GRK7: variants seen among roughly 807,000 people sequenced by gnomAD.
The protein encoded by GRK7 is rhodopsin kinase GRK7.
In GRK7, 24 loss-of-function variants were observed where a neutral mutation model predicts 34.1. The ratio of observed to expected loss-of-function variants is 0.70; its 90% confidence interval spans 0.51 to 0.99. The LOEUF is 0.99. GRK7 is among the 50% of genes least tolerant of loss of function. GRK7 has a pLI of 0.00. For synonymous variants in GRK7, 256 were observed against 279.4 expected (o/e 0.92, Z 0.84); for missense variants, 644 against 707.3 (o/e 0.91, Z 1.02).
chr3:141,808,036 T>C, intron 5 of GRK7, 117 bp downstream of exon 5: 2 of 883,892 alleles, frequency 2.3e-6, no homozygotes, highest in Non-Finnish European at 3.3e-6. Context: ...TTCTTATTTT[T>C]ATTTGCATAT....
At chr3:141,766,013 A>G (rs962011212) in intron 1 of GRK7, among the ~76,000 whole-genome samples, 3 of 152,196 alleles carry the variant, frequency 2.0e-5, no homozygotes, top group Non-Finnish European at 2.9e-5. Flanking sequence ...CCCACACTGT[A>G]TATGGAAATA....
At chr3:141,797,958 G>A (rs1005651358) in intron 4 of GRK7, among the ~76,000 whole-genome samples, 2 of 152,198 alleles carry the variant, frequency 1.3e-5, no homozygotes, top group Non-Finnish European at 2.9e-5. Flanking sequence ...AGCTCCACCA[G>A]AAGCCCCTCC....
intron 4 of GRK7, among the ~76,000 whole-genome samples, chr3:141,802,344 ACTCTCTTT>A (rs890975521): frequency 8.7e-5 from 11 of 126,434 alleles, no homozygotes; most frequent in South Asian, 5.0e-4. Context: ...ACAGACTGAA[ACTCTCTTT>A]CTCTCTTTCT....
In GRK7 at chr3:141,780,654, C is replaced by T; in HGVS notation, c.893C>T (p.Ala298Val). 1 of 1,614,212 alleles carries T rather than the reference C, an allele frequency of 6.2e-7. No individual in the cohort carries two copies. Among genetic ancestry groups the T allele is most frequent in the Non-Finnish European group, 8.5e-7 (1 of 1,180,044 alleles). The change falls in exon 4 of 6, where the codon GCC becomes GTC. Residue 298 changes from alanine (A) to valine (V), a missense_variant. By Grantham distance (64) the Ala-to-Val change is moderately conservative. Coordinates refer to ENST00000682958, the MANE Select transcript of GRK7 (RefSeq NM_139209.3). ...ATGAGCCGGGTGATCTTTTACTCGG[C>T]CCAGATAGCCTGTGGGATGCTGCAC... is the stretch of plus-strand genomic sequence containing the variant. ...LDMSRVIFYS[A>V]QIACGMLHLH...
chr3:141,779,841 T>C (rs1220840452), intron 3 of GRK7, among the ~76,000 whole-genome samples: 1 of 152,252 alleles, frequency 6.6e-6, no homozygotes, highest in Non-Finnish European at 1.5e-5. Flanking sequence ...GTAGCATGTG[T>C]CAATACTCCA....
chr3:141,791,658 G>T (rs1413960449), intron 4 of GRK7, among the ~76,000 whole-genome samples: 1 of 152,122 alleles, frequency 6.6e-6, no homozygotes, highest in Non-Finnish European at 1.5e-5. Flanking sequence ...TCACTCACTT[G>T]TTTATTCAAC....
intron 1 of GRK7, among the ~76,000 whole-genome samples, chr3:141,766,637 T>G (rs2681691): frequency 1.3e-5 from 2 of 152,104 alleles, no homozygotes; most frequent in South Asian, 2.1e-4. Context: ...ACTTTGACTT[T>G]TATGCCCTTG....
At chr3:141,788,110 T>C (rs2084705422) in intron 4 of GRK7, among the ~76,000 whole-genome samples, 1 of 152,246 alleles carries the variant, frequency 6.6e-6, no homozygotes, top group African/African-American at 2.4e-5. Flanking sequence ...ACTTTGGACA[T>C]GAGTCTTCCA....
intron 4 of GRK7, among the ~76,000 whole-genome samples, chr3:141,792,461 A>G (rs1274823823): frequency 6.6e-6 from 1 of 152,094 alleles, no homozygotes; most frequent in Non-Finnish European, 1.5e-5. Flanking sequence ...AATATCACTT[A>G]TGATAAATGC....
chr3:141,778,121 G>A lies in GRK7; in HGVS notation c.-113-51G>A. On this transcript the variant is annotated intron_variant, in intron 2 of 5. Coordinates refer to ENST00000682958, the MANE Select transcript of GRK7 (RefSeq NM_139209.3). This position sits in a 1 kb window ranked among gnomAD's most constrained non-coding sequence, Gnocchi z 4.1. ...GGCGGGCTATACATAGCCAGTCAAA[G>A]CTTCTTACAAGAGAAACCTCTTTCA... 1.2e-6 allele frequency: 1 copy of A among 825,212 alleles called. No homozygotes were observed. Among genetic ancestry groups the A allele is most frequent in the Non-Finnish European group, 1.9e-6 (1 of 540,192 alleles). 51.1% of individuals were successfully genotyped at this position (825,212 alleles called of 1,614,324 possible).
In GRK7 at chr3:141,778,216, G is replaced by A; in HGVS notation, c.-69G>A. 1.1e-5 allele frequency: 17 copies of A among 1,510,058 alleles called. No individual in the cohort carries two copies. In the South Asian group the frequency reaches 2.1e-4, roughly 19 times the overall value. The allele number at this position is 1,510,058 out of a possible 1,614,324, so 93.5% of individuals were successfully genotyped here. The stretch of plus-strand genomic sequence containing the variant: ...ATCCCTTGGACGTTGTCTCACCCGG[G>A]AAGGGAAAGCAGCCAGCAGCCCTCC... On this transcript the variant is annotated 5_prime_UTR_variant, in exon 3 of 6. Transcript: ENST00000682958. The surrounding 1 kb of genome is among the most constrained non-coding windows in gnomAD (Gnocchi z 4.1).
In GRK7 at chr3:141,764,215, T is replaced by C. The variant is rs2084569611; in HGVS notation, c.-1738T>C. 6.6e-6 allele frequency among the ~76,000 whole-genome samples: 1 copy of C among 152,124 alleles called. No individual in the cohort carries two copies. The highest frequency in any genetic ancestry group is 6.5e-5 in the Admixed American group (1 of 15,270). ...CTGGCCTCTCCATCCCCTGATCTCA[T>C]CTCTTCCAGTGATGTGCTCTCCACC... On this transcript the variant is annotated 5_prime_UTR_variant, in exon 1 of 6. Coordinates refer to ENST00000682958, the MANE Select transcript of GRK7 (RefSeq NM_139209.3).
At chr3:141,769,867 A>G (rs1038448597) in intron 1 of GRK7, among the ~76,000 whole-genome samples, 5 of 152,214 alleles carry the variant, frequency 3.3e-5, no homozygotes, top group African/African-American at 9.6e-5. Flanking sequence ...TGTGGCTGCC[A>G]TAATGAATTA....
intron 4 of GRK7, among the ~76,000 whole-genome samples, chr3:141,782,111 G>A (rs1415700055): frequency 6.6e-6 from 1 of 152,104 alleles, no homozygotes; most frequent in African/African-American, 2.4e-5. Flanking sequence ...GGGAAGAGGG[G>A]TTCTTGAAGG....
intron 2 of GRK7, among the ~76,000 whole-genome samples, chr3:141,774,895 C>T (rs1344406155): frequency 1.3e-5 from 2 of 151,898 alleles, no homozygotes; most frequent in South Asian, 2.1e-4. Flanking sequence ...TGGGTTCAGG[C>T]GATTCTCCTG....
rs1036536242 is a variant in GRK7 at position 141,764,982 on chromosome 3, C to T, written c.-971C>T. Among the ~76,000 whole-genome samples, 3 of 152,120 alleles carry T rather than the reference C, an allele frequency of 2.0e-5. No homozygotes were observed. The highest frequency in any genetic ancestry group is 2.9e-5 in the Non-Finnish European group (2 of 68,034). ...TTTCTCACCAGGGTTACTGCAGCAG[C>T]CTCCAGACTGGTTTTTCTGTTTTAA... On this transcript the variant is annotated 5_prime_UTR_variant, in exon 1 of 6. Transcript: ENST00000682958.
chr3:141,792,615 A>C (rs1251960939), intron 4 of GRK7, among the ~76,000 whole-genome samples: 4 of 152,162 alleles, frequency 2.6e-5, no homozygotes, highest in African/African-American at 9.7e-5. Flanking sequence ...GTGGTGTCTC[A>C]GATTGGGCTC....
chr3:141,772,200 T>C (rs969162964), intron 1 of GRK7, among the ~76,000 whole-genome samples: 1 of 152,050 alleles, frequency 6.6e-6, no homozygotes, highest in Non-Finnish European at 1.5e-5. Flanking sequence ...GTTCAAGCAA[T>C]TCTCCTGCCT....
chr3:141,765,219 G>A lies in GRK7; in HGVS notation c.-734G>A, dbSNP rs1222347901. 6.6e-6 allele frequency among the ~76,000 whole-genome samples: 1 copy of A among 152,160 alleles called. No individual in the cohort carries two copies. The highest frequency in any genetic ancestry group is 6.5e-5 in the Admixed American group (1 of 15,282). On this transcript the variant is annotated 5_prime_UTR_variant, in exon 1 of 6. Coordinates refer to ENST00000682958, the MANE Select transcript of GRK7 (RefSeq NM_139209.3). ...CACTGACTTTCTTGCTGTTTCTCAA[G>A]CTCACCAGGATTTGAGCCAGCTGTT... is the stretch of plus-strand genomic sequence containing the variant.
Sources: allele counts gnomAD v4.1 joint callset (sites outside exome capture counted in the v4.1 genomes callset), GRCh38; gene constraint gnomAD v4.1.1; non-coding constraint Gnocchi (gnomAD v3.1); transcripts MANE v1.5; gene names NCBI Gene and HGNC (gene_info 2026-07-23, HGNC 2026-07-21).